Variants in DLGAP1 observed in about 807,000 individuals in gnomAD.
DLGAP1 encodes the protein disks large-associated protein 1.
Under a neutral mutation model 90.8 loss-of-function variants are expected in DLGAP1, and 11 were observed. That is an observed-to-expected ratio of 0.12 (90% CI 0.08 to 0.20). DLGAP1 has a LOEUF of 0.20. Ranked by LOEUF, DLGAP1 falls within the 10% of genes least tolerant of loss-of-function variation. DLGAP1 has a pLI of 1.00. For missense variants in DLGAP1, 1,050 were observed against 1,333.8 expected, an observed-to-expected ratio of 0.79 and a Z score of 3.31; for synonymous variants, 558 against 540.7, an observed-to-expected ratio of 1.03 and a Z score of -0.44.
chr18:3,519,460 C>G (rs1176245470), intron 10 of DLGAP1, among the ~76,000 whole-genome samples: 1 of 152,174 alleles, frequency 6.6e-6, no homozygotes, highest in Non-Finnish European at 1.5e-5. Flanking sequence ...TATCCATTCT[C>G]AACTCAACCC....
chr18:3,793,591 T>G (rs2065846110), intron 5 of DLGAP1, among the ~76,000 whole-genome samples: 1 of 152,060 alleles, frequency 6.6e-6, no homozygotes, highest in Admixed American at 6.5e-5. Flanking sequence ...TCACTTAGAG[T>G]ACAACTCGAA....
chr18:3,888,057 G>A (rs1024459863), intron 3 of DLGAP1, among the ~76,000 whole-genome samples: 11 of 136,836 alleles, frequency 8.0e-5, no homozygotes, highest in Admixed American at 5.7e-4. Flanking sequence ...GCAGTGAGCC[G>A]AGATCGCGCC....
intron 7 of DLGAP1, among the ~76,000 whole-genome samples, chr18:3,637,203 G>T (rs998319508): frequency 6.6e-6 from 1 of 151,928 alleles, no homozygotes; most frequent in Non-Finnish European, 1.5e-5. Flanking sequence ...ATGGATATTT[G>T]CAGGGATAGT....
intron 4 of DLGAP1, among the ~76,000 whole-genome samples, chr18:3,828,745 C>T (rs1365984953): frequency 6.8e-6 from 1 of 146,228 alleles, no homozygotes; most frequent in Non-Finnish European, 1.5e-5. Flanking sequence ...ACATAGTATT[C>T]AATGTCAATA....
intron 7 of DLGAP1, among the ~76,000 whole-genome samples, chr18:3,609,160 C>CAGCCTCTCCTGCCTT (rs2057473023): frequency 6.6e-6 from 1 of 151,996 alleles, no homozygotes; most frequent in Non-Finnish European, 1.5e-5. Flanking sequence ...GCAGTGTCCT[C>CAGCCTCTCCTGCCTT]AGCCTCCCAA....
rs187113701 is a variant in DLGAP1, at chr18:3,636,705, C to G, written c.1592-54457G>C. Among the ~76,000 whole-genome samples the G allele has an allele frequency of 1.2e-3, 173 of 145,678 alleles. 2 individuals are homozygous for G. Among genetic ancestry groups the G allele is most frequent in the East Asian group, 9.9e-3 (45 of 4,528 alleles). On this transcript the variant is annotated intron_variant, in intron 7 of 12. Coordinates refer to ENST00000315677, the MANE Select transcript of DLGAP1 (RefSeq NM_004746.4). ...TGTTGGGATTACAGGCATAAGCCACCATGCTCGGCCACTTTTACATCTTTT... is the reference window on the plus strand; with the variant it reads ...TGTTGGGATTACAGGCATAAGCCACGATGCTCGGCCACTTTTACATCTTTT...
intron 4 of DLGAP1, among the ~76,000 whole-genome samples, chr18:3,835,440 G>C (rs1290840789): frequency 6.6e-6 from 1 of 151,974 alleles, no homozygotes; most frequent in Admixed American, 6.6e-5. Context: ...ATGAAGTCAG[G>C]AGATCAAGAC....
rs929646533 is a variant in DLGAP1, at chr18:3,731,298, C to T, written c.1351-1923G>A. ...CTGTCAAGGTAACAACCATTAAACT[C>T]GGATGATTATCTTTCCAGATAAGTA... On this transcript the variant is annotated intron_variant, in intron 6 of 12. Transcript: ENST00000315677. Among the ~76,000 whole-genome samples, 10 of 151,416 alleles carry T rather than the reference C, an allele frequency of 6.6e-5. No homozygotes were observed. In the East Asian group the frequency reaches 9.6e-4, roughly 15 times the overall value.
chr18:4,329,307 C>T (rs1197535264), intron 1 of DLGAP1, among the ~76,000 whole-genome samples: 2 of 151,844 alleles, frequency 1.3e-5, no homozygotes, highest in African/African-American at 4.8e-5. Flanking sequence ...TGTTAAAAGC[C>T]AATTAACCAT....
intron 1 of DLGAP1, among the ~76,000 whole-genome samples, chr18:4,306,426 AGTGT>A (rs60225266): frequency 0.36 from 46,696 of 130,036 alleles, 8,863 homozygotes; most frequent in Non-Finnish European, 0.46. Flanking sequence ...AGAAAGTAAG[AGTGT>A]GTGTGTGTGT....
At chr18:3,554,343 C>A (rs1026476590) in intron 9 of DLGAP1, among the ~76,000 whole-genome samples, 2 of 152,104 alleles carry the variant, frequency 1.3e-5, no homozygotes, top group Non-Finnish European at 2.9e-5. Flanking sequence ...TCCTATAGAG[C>A]GGTACCACTA....
intron 2 of DLGAP1, among the ~76,000 whole-genome samples, chr18:4,095,313 A>G (rs2075659165): frequency 6.6e-6 from 1 of 152,186 alleles, no homozygotes; most frequent in African/African-American, 2.4e-5. Context: ...CCAATCAGGT[A>G]CACATTTTTT....
At chr18:3,580,835 A>T in intron 8 of DLGAP1, 1 of 1,439,916 alleles carries the variant, frequency 6.9e-7, no homozygotes, top group South Asian at 1.2e-5. Flanking sequence ...CGTGGAAAAT[A>T]AAAGGCTCTG....
rs569889769 is a variant in DLGAP1 at position 4,207,291 on chromosome 18, G to A, written c.-266-56004C>T. The stretch of plus-strand genomic sequence containing the variant: ...CAGGGAGAAGAAGAATGACAGCCAA[G>A]CAGAGGGGGAAGCCCCTTATAAAAC... On this transcript the variant is annotated intron_variant, in intron 1 of 12. Transcript: ENST00000315677. Among the ~76,000 whole-genome samples, 5 of 152,256 alleles carry A rather than the reference G, an allele frequency of 3.3e-5. No individual in the cohort carries two copies. In the South Asian group the frequency reaches 1.0e-3, roughly 32 times the overall value.
At position 3,885,351 on chromosome 18, in the gene DLGAP1, A is replaced by G. The variant is rs190531775; in HGVS notation, c.-72-5211T>C. 13 of 152,358 alleles carry G rather than the reference A, an allele frequency of 8.5e-5. No homozygotes were observed. In the East Asian group the frequency reaches 1.9e-3, roughly 23 times the overall value. The allele number at this position is 152,358 out of a possible 1,614,324, so 9.4% of individuals were successfully genotyped here. A position where few individuals can be genotyped will look rare whatever the true frequency, so the allele number is the denominator to read the frequency against. On this transcript the variant is annotated intron_variant, in intron 3 of 12. Transcript: ENST00000315677. ...CTGCTGCAAAGACGACCAAATGCCT[A>G]CAGTGAATCCCTAGTGGTCAGAGGG... is the stretch of plus-strand genomic sequence containing the variant.
intron 10 of DLGAP1, among the ~76,000 whole-genome samples, chr18:3,523,718 G>A (rs1285431583): frequency 6.6e-6 from 1 of 151,992 alleles, no homozygotes; most frequent in Non-Finnish European, 1.5e-5. Context: ...GTGGTGGCGT[G>A]CGCCCGTAGT....
intron 1 of DLGAP1, among the ~76,000 whole-genome samples, chr18:4,326,026 CAA>C (rs2080809904): frequency 1.3e-5 from 2 of 152,052 alleles, no homozygotes; most frequent in East Asian, 1.9e-4. Context: ...TTTAATCAAA[CAA>C]AAGAGTTTCT....
chr18:4,267,878 A>G (rs2079165977), intron 1 of DLGAP1, among the ~76,000 whole-genome samples: 1 of 152,208 alleles, frequency 6.6e-6, no homozygotes. Context: ...TGAGTGATCC[A>G]TGGGAGTGAG....
chr18:3,650,563 T>C (rs182460154), intron 7 of DLGAP1, among the ~76,000 whole-genome samples: 1 of 152,326 alleles, frequency 6.6e-6, no homozygotes, highest in East Asian at 1.9e-4. Context: ...TGCTCCAGCC[T>C]CCACGTCATT....
Sources: allele counts gnomAD v4.1 joint callset (sites outside exome capture counted in the v4.1 genomes callset), GRCh38; gene constraint gnomAD v4.1.1; transcripts MANE v1.5; gene names NCBI Gene and HGNC (gene_info 2026-07-23, HGNC 2026-07-21).